CYP2C19: variants seen among roughly 807,000 people sequenced by gnomAD.
CYP2C19 encodes the protein cytochrome P450 family 2 subfamily C member 19, also known as cytochrome P450 2C19.
Under a neutral mutation model 40.9 loss-of-function variants are expected in CYP2C19, and 59 were observed. The observed-to-expected ratio is 1.44, with a 90% CI of 1.17 to 1.79. The LOEUF (loss-of-function observed/expected upper bound fraction) is 1.79. CYP2C19 is among the 40% of genes most tolerant of loss of function. The pLI, the probability that CYP2C19 is intolerant of heterozygous loss-of-function variation, is 0.00. For synonymous variants in CYP2C19, 253 were observed against 208.7 expected, an observed-to-expected ratio of 1.21 and a Z score of -1.83; for missense variants, 754 against 596.9, an observed-to-expected ratio of 1.26 and a Z score of -2.74.
chr10:94,832,178 G>T (rs569139186), intron 6 of CYP2C19, among the ~76,000 whole-genome samples: 31 of 152,204 alleles, frequency 2.0e-4, no homozygotes, highest in African/African-American at 6.5e-4. Context: ...CCCAGTGTAC[G>T]TTCTTGGTAC....
Position 94,849,947 on chromosome 10 carries a change from G to A in CYP2C19, c.1180G>A (p.Val394Met), listed in dbSNP as rs55948420. Residue 394 changes from valine (V) to methionine (M), a missense_variant, in exon 8 of 9, where the codon GTG becomes ATG. Transcript: ENST00000371321. ...GTTILTSLTS[V>M]LHDNKEFPNP... Reference sequence around the variant, plus strand: ...AACCATATTAACTTCCCTCACTTCTGTGCTACATGACAACAAAGAATTTCC... The same window carrying A: ...AACCATATTAACTTCCCTCACTTCTATGCTACATGACAACAAAGAATTTCC... 5.6e-6 allele frequency: 9 copies of A among 1,613,490 alleles called. No individual in the cohort carries two copies. In the East Asian group the frequency reaches 2.0e-4, roughly 36 times the overall value.
rs541556948 is a variant in CYP2C19 at position 94,766,686 on chromosome 10, C to T, written c.168+3813C>T. ...GAGCCTTTTTAGTCTGGGATGTTTC[C>T]TTCTGAAATAAGAGATGCAAGTCCT... On this transcript the variant is annotated intron_variant, in intron 1 of 8. Coordinates refer to ENST00000371321, the MANE Select transcript of CYP2C19 (RefSeq NM_000769.4). Among the ~76,000 whole-genome samples, 4 of 151,906 alleles carry T rather than the reference C, an allele frequency of 2.6e-5. No individual in the cohort carries two copies. In the South Asian group the frequency reaches 8.3e-4, roughly 32 times the overall value.
chr10:94,794,534 G>A (rs1050801666), intron 5 of CYP2C19, among the ~76,000 whole-genome samples: 8 of 152,112 alleles, frequency 5.3e-5, no homozygotes, highest in African/African-American at 1.9e-4. Flanking sequence ...CTATCCAAGA[G>A]CATGGAATAT....
chr10:94,808,443 A>G (rs1262424178), intron 5 of CYP2C19, among the ~76,000 whole-genome samples: 1 of 152,156 alleles, frequency 6.6e-6, no homozygotes, highest in Non-Finnish European at 1.5e-5. Flanking sequence ...CAATCGAATT[A>G]TACTCTTTAA....
chr10:94,778,947 G>A (rs1848446603), intron 3 of CYP2C19, among the ~76,000 whole-genome samples: 1 of 152,152 alleles, frequency 6.6e-6, no homozygotes, highest in Non-Finnish European at 1.5e-5. Context: ...AAAAGAATGA[G>A]TTCATGTCCT....
intron 6 of CYP2C19, among the ~76,000 whole-genome samples, chr10:94,839,845 A>G (rs1028091292): frequency 2.0e-5 from 3 of 152,198 alleles, no homozygotes; most frequent in African/African-American, 7.2e-5. Flanking sequence ...GGACTGTTGT[A>G]TGGTAATTAA....
chr10:94,810,396 T>C (rs1313101416), intron 5 of CYP2C19, among the ~76,000 whole-genome samples: 1 of 152,200 alleles, frequency 6.6e-6, no homozygotes, highest in South Asian at 2.1e-4. Flanking sequence ...GATTCTTCCC[T>C]TATAAAATGA....
In CYP2C19 at chr10:94,762,834, A is replaced by G; in HGVS notation, c.129A>G (p.Leu43=). The G allele has an allele frequency of 6.2e-7, 1 of 1,613,896 alleles. No homozygotes were observed. Residue 43 remains leucine, a synonymous_variant, in exon 1 of 9, where the codon CTA becomes CTG. Transcript: ENST00000371321. ...PTPLPVIGNI[L]QIDIKDVSKS... is the part of the protein sequence containing the mutation. ...CTCTCCCAGTGATTGGAAATATCCT[A>G]CAGATAGATATTAAGGATGTCAGCA...
Position 94,792,647 on chromosome 10 carries a change from A to G in CYP2C19, c.819+10650A>G, listed in dbSNP as rs532589732. Among the ~76,000 whole-genome samples, 10 of 152,268 alleles carry G rather than the reference A, an allele frequency of 6.6e-5. 1 individual carries two copies. In the Middle Eastern group the frequency reaches 0.014, roughly 207 times the overall value. ...TGGCTGGATATGAAATTCTGGGTTG[A>G]AAACTCTTTTCTTTAAGAATGTTGA... On this transcript the variant is annotated intron_variant, in intron 5 of 8. Coordinates refer to ENST00000371321, the MANE Select transcript of CYP2C19 (RefSeq NM_000769.4).
Position 94,854,299 on chromosome 10 carries a change from G to A in CYP2C19, c.*1385G>A, listed in dbSNP as rs1434037693. The stretch of plus-strand genomic sequence containing the variant: ...CTCCCAAACTGCTGGGCTTACAGGC[G>A]TGAGCCACTGCACCTGGCTGAACAA... On this transcript the variant is annotated 3_prime_UTR_variant, in exon 9 of 9. Transcript: ENST00000371321. Among the ~76,000 whole-genome samples, 2 of 152,222 alleles carry A rather than the reference G, an allele frequency of 1.3e-5. No individual in the cohort carries two copies. Among genetic ancestry groups the A allele is most frequent in the South Asian group, 2.1e-4 (1 of 4,818 alleles).
intron 5 of CYP2C19, among the ~76,000 whole-genome samples, chr10:94,818,584 T>A (rs1258851081): frequency 7.1e-6 from 1 of 141,600 alleles, no homozygotes; most frequent in African/African-American, 2.7e-5. Flanking sequence ...GGTTTGTAGT[T>A]CTCCTTGAAG....
intron 6 of CYP2C19, among the ~76,000 whole-genome samples, chr10:94,821,214 G>T (rs533047780): frequency 6.6e-6 from 1 of 152,186 alleles, no homozygotes; most frequent in East Asian, 1.9e-4. Context: ...AGTGTGTCTG[G>T]ATTTCATCGA....
At chr10:94,848,329 T>C (rs979577837) in intron 7 of CYP2C19, among the ~76,000 whole-genome samples, 3 of 152,244 alleles carry the variant, frequency 2.0e-5, no homozygotes, top group African/African-American at 4.8e-5. Flanking sequence ...ATTTATTAAA[T>C]AGGGAATCCT....
At chr10:94,818,135 A>T (rs1849041671) in intron 5 of CYP2C19, among the ~76,000 whole-genome samples, 1 of 147,398 alleles carries the variant, frequency 6.8e-6, no homozygotes, top group African/African-American at 2.5e-5. Context: ...AGCACCATTT[A>T]TTAAATAGGG....
intron 5 of CYP2C19, among the ~76,000 whole-genome samples, chr10:94,793,227 A>G (rs1309188221): frequency 1.3e-5 from 2 of 152,032 alleles, no homozygotes; most frequent in South Asian, 2.1e-4. Flanking sequence ...GGTCTTCCCT[A>G]TGCTGTTTAT....
At chr10:94,774,814 T>C (rs891142520) in intron 1 of CYP2C19, 2 of 508,104 alleles carry the variant, frequency 3.9e-6, no homozygotes, top group Non-Finnish European at 7.0e-6. Flanking sequence ...CTGCTGAATA[T>C]GTTGGTGTGA....
chr10:94,763,083 G>A (rs959269868), intron 1 of CYP2C19, among the ~76,000 whole-genome samples: 1 of 152,158 alleles, frequency 6.6e-6, no homozygotes, highest in African/African-American at 2.4e-5. Flanking sequence ...TTAGGTCTTT[G>A]CATGTTAAAT....
Position 94,763,814 on chromosome 10 carries a change from G to T in CYP2C19, c.168+941G>T, listed in dbSNP as rs373744480. Among the ~76,000 whole-genome samples, 4 of 152,108 alleles carry T rather than the reference G, an allele frequency of 2.6e-5. No individual in the cohort carries two copies. The South Asian group carries it at 8.3e-4, about 32-fold the overall frequency. ...TTCTTTCCAGTGGGTTCTTGGTCTC[G>T]CTGACTTCAAGAATGAAGCCACGGA... is the stretch of plus-strand genomic sequence containing the variant. On this transcript the variant is annotated intron_variant, in intron 1 of 8. Transcript: ENST00000371321.
chr10:94,829,981 AG>A (rs879866759), intron 6 of CYP2C19, among the ~76,000 whole-genome samples: 116 of 152,350 alleles, frequency 7.6e-4, no homozygotes, highest in Non-Finnish European at 1.2e-3. Flanking sequence ...GTCAGGGGTC[AG>A]GGACCCACTT....
Sources: allele counts gnomAD v4.1 joint callset (sites outside exome capture counted in the v4.1 genomes callset), GRCh38; gene constraint gnomAD v4.1.1; transcripts MANE v1.5; gene names NCBI Gene and HGNC (gene_info 2026-07-23, HGNC 2026-07-21).